The following BMP7 variants were observed in gnomAD, a reference collection of about 807,000 sequenced individuals.
The protein encoded by BMP7 is bone morphogenetic protein 7.
A neutral mutation model predicts 41.2 loss-of-function variants in BMP7; 12 were observed. The observed-to-expected ratio is 0.29, with a 90% CI of 0.19 to 0.47. The LOEUF (loss-of-function observed/expected upper bound fraction) is 0.47. BMP7 is among the 20% of genes least tolerant of loss of function. The pLI, the probability that BMP7 is intolerant of heterozygous loss-of-function variation, is 0.99. For synonymous variants in BMP7, 248 were observed against 250.0 expected (o/e 0.99, Z 0.07); for missense variants, 467 against 606.0 (o/e 0.77, Z 2.41).
At chr20:57,185,998 C>A in intron 3 of BMP7, among the ~76,000 whole-genome samples, 1 of 151,352 alleles carries the variant, frequency 6.6e-6, no homozygotes, top group Non-Finnish European at 1.5e-5. Context: ...GCTTTGCATA[C>A]CCTAAGTACT....
intron 5 of BMP7, among the ~76,000 whole-genome samples, chr20:57,173,880 C>A (rs768406427): frequency 1.3e-5 from 2 of 152,196 alleles, no homozygotes; most frequent in Non-Finnish European, 2.9e-5. Context: ...ATCACCCATG[C>A]TGGCTCCGGG....
At chr20:57,235,952 G>C (rs886865911) in intron 1 of BMP7, among the ~76,000 whole-genome samples, 5 of 151,960 alleles carry the variant, frequency 3.3e-5, no homozygotes, top group African/African-American at 1.2e-4. Context: ...CAGAGGCAGG[G>C]AGTGAGGACA....
intron 2 of BMP7, among the ~76,000 whole-genome samples, chr20:57,207,811 G>GTTTTTTTTT (rs572613876): frequency 9.1e-6 from 1 of 109,982 alleles, no homozygotes; most frequent in Non-Finnish European, 1.7e-5. Context: ...ACCCCAGTTG[G>GTTTTTTTTT]TTTTTTTTTT....
intron 2 of BMP7, 150 bp from the exon 3 acceptor site, chr20:57,202,773 G>A (rs1009109435): frequency 8.4e-6 from 8 of 951,160 alleles, no homozygotes; most frequent in Admixed American, 7.1e-5. Flanking sequence ...CCAAGATCCA[G>A]GCACAAAGAC....
intron 6 of BMP7, chr20:57,172,932 C>A (rs1983843102): frequency 8.3e-6 from 5 of 605,174 alleles, no homozygotes; most frequent in Non-Finnish European, 1.2e-5. Context: ...TACAAGCATC[C>A]TCAAAGGAGC....
intron 2 of BMP7, chr20:57,226,087 G>C (rs939619465): frequency 5.0e-6 from 2 of 401,600 alleles, no homozygotes; most frequent in Non-Finnish European, 1.0e-5. Context: ...CGCCTGGAAC[G>C]CCCATCCCTC....
chr20:57,227,125 C>A (rs2066010401), intron 2 of BMP7, among the ~76,000 whole-genome samples: 1 of 152,158 alleles, frequency 6.6e-6, no homozygotes, highest in Non-Finnish European at 1.5e-5. Flanking sequence ...CCACACCCGG[C>A]CTAAAAACAA....
chr20:57,265,556 G>C, intron 1 of BMP7, 149 bp downstream of exon 1: 1 of 1,297,356 alleles, frequency 7.7e-7, no homozygotes, highest in Middle Eastern at 2.0e-4. Context: ...GGGAGTCATA[G>C]GGCTGTGGGT....
chr20:57,191,600 C>A (rs955371670), intron 3 of BMP7, among the ~76,000 whole-genome samples: 9 of 151,666 alleles, frequency 5.9e-5, no homozygotes, highest in African/African-American at 2.2e-4. Flanking sequence ...CGTCATGGTG[C>A]ACGCCTGTAA....
At chr20:57,218,026 C>T (rs1390581076) in intron 2 of BMP7, among the ~76,000 whole-genome samples, 2 of 152,206 alleles carry the variant, frequency 1.3e-5, no homozygotes, top group Non-Finnish European at 2.9e-5. Flanking sequence ...CAGATATCAA[C>T]AGACATCTGT....
At position 57,168,777 on chromosome 20, in the gene BMP7, T is replaced by C. The variant is rs1983741863; in HGVS notation, c.*2182A>G. On this transcript the variant is annotated 3_prime_UTR_variant, in exon 7 of 7. Transcript: ENST00000395863. Reference sequence around the variant, plus strand: ...AGCCAGAACCAAACGTCTCCTTTTATTGCAAGGTCAAACCCTTTTCATTTT... The same window carrying C: ...AGCCAGAACCAAACGTCTCCTTTTACTGCAAGGTCAAACCCTTTTCATTTT... 1 of 152,232 alleles carries C rather than the reference T, an allele frequency of 6.6e-6. No individual in the cohort carries two copies. The highest frequency in any genetic ancestry group is 1.5e-5 in the Non-Finnish European group (1 of 68,062). The allele number at this position is 152,232 out of a possible 1,614,324, so 9.4% of individuals were successfully genotyped here.
chr20:57,191,257 G>A (rs79480658), intron 3 of BMP7, among the ~76,000 whole-genome samples: 3,921 of 152,254 alleles, frequency 0.026, 186 homozygotes, highest in African/African-American at 0.089. Context: ...CATGCCTCGG[G>A]TACTGAGCCC....
At chr20:57,175,839 C>A (rs1432320611) in intron 4 of BMP7, among the ~76,000 whole-genome samples, 1 of 8,778 alleles carries the variant, frequency 1.1e-4, no homozygotes, top group African/African-American at 1.2e-4. Flanking sequence ...CTGTGGCCCA[C>A]AGGCCCGGTG....
intron 1 of BMP7, among the ~76,000 whole-genome samples, chr20:57,260,987 C>G (rs1480698957): frequency 6.6e-6 from 1 of 152,148 alleles, no homozygotes; most frequent in Non-Finnish European, 1.5e-5. Flanking sequence ...ACTTAGGGCA[C>G]GCTGATTCTT....
Position 57,265,820 on chromosome 20 carries a change from C to A in BMP7, c.303G>T (p.Gln101His). Residue 101 changes from glutamine (Q) to histidine (H), a missense_variant, in exon 1 of 7, where the codon CAG becomes CAT. By Grantham distance (24) the Gln-to-His change is conservative (BLOSUM62 0). Coordinates refer to ENST00000395863, the MANE Select transcript of BMP7 (RefSeq NM_001719.3). ...AVEEGGGPGG[Q>H]GFSYPYKAVF... The stretch of plus-strand genomic sequence containing the variant: ...CGGCCTTGTAGGGGTAGGAGAAGCC[C>A]TGGCCGCCGGGCCCGCCGCCCTCCT... The A allele has an allele frequency of 6.2e-7, 1 of 1,607,408 alleles. No homozygotes were observed. Among genetic ancestry groups the A allele is most frequent in the East Asian group, 2.2e-5 (1 of 44,562 alleles).
At chr20:57,254,702 T>C (rs2066127707) in intron 1 of BMP7, among the ~76,000 whole-genome samples, 1 of 151,586 alleles carries the variant, frequency 6.6e-6, no homozygotes, top group Non-Finnish European at 1.5e-5. Context: ...CTGGGGCGAC[T>C]ATTCCATATC....
chr20:57,252,610 C>G (rs116467085), intron 1 of BMP7, among the ~76,000 whole-genome samples: 1,553 of 152,312 alleles, frequency 0.01, 23 homozygotes, highest in African/African-American at 0.035. Context: ...AATGCTTGCT[C>G]GTTAGAGACT....
At chr20:57,194,435 C>CT (rs1368163286) in intron 3 of BMP7, among the ~76,000 whole-genome samples, 1 of 152,136 alleles carries the variant, frequency 6.6e-6, no homozygotes, top group Non-Finnish European at 1.5e-5. Flanking sequence ...CAGGCAAAAA[C>CT]GAACGCCTGA....
chr20:57,230,387 C>T lies in BMP7; in HGVS notation c.419-1966G>A, dbSNP rs1039738026. On this transcript the variant is annotated intron_variant, in intron 1 of 6. Coordinates refer to ENST00000395863, the MANE Select transcript of BMP7 (RefSeq NM_001719.3). ...TGGGAAGGCGGGGCAAAGGGCCTGA[C>T]TGTGTCACCGTGGGACTGCCCCCGG... 3.9e-5 allele frequency among the ~76,000 whole-genome samples: 6 copies of T among 152,098 alleles called. No homozygotes were observed. The East Asian group carries it at 5.8e-4, about 15-fold the overall frequency.
Sources: gnomAD v4.1 joint callset for allele counts (sites outside exome capture counted in the v4.1 genomes callset) on GRCh38, gnomAD v4.1.1 for gene constraint, MANE v1.5 for transcripts, NCBI Gene and HGNC (gene_info 2026-07-23, HGNC 2026-07-21) for gene names.